PKDCC: variants seen among roughly 807,000 people sequenced by gnomAD.
PKDCC encodes the protein protein kinase domain containing, cytoplasmic.
A neutral mutation model predicts 44.7 loss-of-function variants in PKDCC; 35 were observed. That is an observed-to-expected ratio of 0.78 (90% confidence interval 0.60 to 1.04). The LOEUF (loss-of-function observed/expected upper bound fraction) is 1.04. Among genes scored for constraint, PKDCC ranks in the 50% least tolerant of loss-of-function variants. The pLI, the probability that PKDCC is intolerant of heterozygous loss-of-function variation, is 0.00. For missense variants in PKDCC, 738 were observed against 672.7 expected (o/e 1.10, Z -1.07); for synonymous variants, 353 against 303.3 (o/e 1.16, Z -1.70).
chr2:42,050,939 G>A (rs1241958171), intron 1 of PKDCC, among the ~76,000 whole-genome samples: 1 of 152,176 alleles, frequency 6.6e-6, no homozygotes, highest in Admixed American at 6.5e-5. Context: ...GGAGGCTTCA[G>A]GGCAGGTGTA....
At position 42,048,163 on chromosome 2, in the gene PKDCC, AGCCGCGCGGGGCCGGCCGGCCGGGGG is replaced by A. The variant is rs768547811; in HGVS notation, c.-35_-10del. 6.6e-5 allele frequency: 62 copies of A among 933,084 alleles called. No individual in the cohort carries two copies. In the South Asian group the frequency reaches 2.8e-3, roughly 43 times the overall value. The allele number at this position is 933,084 out of a possible 1,614,324, so 57.8% of individuals were successfully genotyped here. A position where few individuals can be genotyped will look rare whatever the true frequency, so the allele number is the denominator to read the frequency against. Reference sequence around the variant, plus strand: ...GAGCCGCCCGGGGCCGGGGCCGGGGAGCCGCGCGGGGCCGGCCGGCCGGGGGGAGGGGAGCGATGCGGCGCCGGCGG... The same window carrying A: ...GAGCCGCCCGGGGCCGGGGCCGGGGAGAGGGGAGCGATGCGGCGCCGGCGG... On this transcript the variant is annotated 5_prime_UTR_variant, in exon 1 of 7. Transcript: ENST00000294964. This position sits in a 1 kb window ranked among gnomAD's most constrained non-coding sequence, Gnocchi z 6.2.
Position 42,054,302 on chromosome 2 carries a change from C to A in PKDCC, c.1029C>A (p.Ala343=). 6.3e-7 allele frequency: 1 copy of A among 1,598,584 alleles called. No individual in the cohort carries two copies. Among genetic ancestry groups the A allele is most frequent in the Non-Finnish European group, 8.5e-7 (1 of 1,171,238 alleles). ...GMNEKRNLYN[A]YRFFFTYLLP... ...ACGAGAAGCGGAACCTCTATAATGC[C>A]TACAGGTGACCTCCACCCCTGACTC... is the stretch of plus-strand genomic sequence containing the variant. Residue 343 remains alanine (A), a synonymous_variant, in exon 3 of 7, where the codon GCC becomes GCA. Transcript: ENST00000294964. The surrounding 1 kb of genome is among the most constrained non-coding windows in gnomAD (Gnocchi z 6.1).
chr2:42,051,058 C>T lies in PKDCC; in HGVS notation c.640-2181C>T, dbSNP rs1667958151. On this transcript the variant is annotated intron_variant, in intron 1 of 6. Coordinates refer to ENST00000294964, the MANE Select transcript of PKDCC (RefSeq NM_138370.3). The surrounding 1 kb of genome is among the most constrained non-coding windows in gnomAD (Gnocchi z 4.2). ...GGAGTTAGAGAACATTTCTAGAGTT[C>T]CTAGTGGTGCAGGCTCACCACCCTC... Among the ~76,000 whole-genome samples, 1 of 152,026 alleles carries T rather than the reference C, an allele frequency of 6.6e-6. No individual in the cohort carries two copies. Among genetic ancestry groups the T allele is most frequent in the Non-Finnish European group, 1.5e-5 (1 of 67,986 alleles).
intron 5 of PKDCC, among the ~76,000 whole-genome samples, chr2:42,056,610 T>G (rs1287647264): frequency 1.3e-5 from 2 of 151,950 alleles, no homozygotes; most frequent in Non-Finnish European, 2.9e-5. Context: ...AATCAGAATC[T>G]TCATTTGGTT....
rs1321917013 is a variant in PKDCC at position 42,057,684 on chromosome 2, G to A, written c.1478G>A (p.Gly493Asp). 6.2e-7 allele frequency: 1 copy of A among 1,613,634 alleles called. No homozygotes were observed. Among genetic ancestry groups the A allele is most frequent in the African/African-American group, 1.3e-5 (1 of 75,046 alleles). ...PNKTTYVKAS[G>D] is the part of the protein sequence containing the mutation. ...AAGACCACATATGTGAAGGCCTCTG[G>A]CTGACCTATCTGAGGGCTCGGCTGA... The change falls in exon 7 of 7, where the codon GGC (glycine) becomes GAC (aspartate). Residue 493 changes from glycine to aspartate, a missense_variant. Transcript: ENST00000294964.
intron 5 of PKDCC, among the ~76,000 whole-genome samples, chr2:42,056,311 T>C (rs1463378590): frequency 6.6e-6 from 1 of 152,092 alleles, no homozygotes; most frequent in Non-Finnish European, 1.5e-5. Context: ...AGCTCACTGA[T>C]TGTGAGTTTT....
chr2:42,050,502 A>G (rs1667946731), intron 1 of PKDCC, among the ~76,000 whole-genome samples: 1 of 152,104 alleles, frequency 6.6e-6, no homozygotes, highest in Non-Finnish European at 1.5e-5. Context: ...CGCCAGCTCA[A>G]ACTTCCTGAC....
At position 42,054,948 on chromosome 2, in the gene PKDCC, T is replaced by C. The variant is rs138740911; in HGVS notation, c.1042T>C (p.Phe348Leu). Residue 348 changes from phenylalanine (F) to leucine (L), a missense_variant, in exon 4 of 7, where the codon TTC becomes CTC. Physicochemically the swap from Phe to Leu is conservative, Grantham distance 22. Transcript: ENST00000294964. This position sits in a 1 kb window ranked among gnomAD's most constrained non-coding sequence, Gnocchi z 6.1. ...GGTTTCCCTCTGCCACAGGTTTTTCTTCACATACCTCCTGCCTCACAGTGC... is the reference window on the plus strand; with the variant it reads ...GGTTTCCCTCTGCCACAGGTTTTTCCTCACATACCTCCTGCCTCACAGTGC... ...RNLYNAYRFF[F>L]TYLLPHSAPP... 6.2e-6 allele frequency: 10 copies of C among 1,613,756 alleles called. No individual in the cohort carries two copies. In the African/African-American group the frequency reaches 1.2e-4, roughly 19 times the overall value.
chr2:42,053,479 A>T (rs921014981), intron 2 of PKDCC, 118 bp downstream of exon 2: 3 of 1,377,692 alleles, frequency 2.2e-6, no homozygotes, highest in Non-Finnish European at 2.9e-6. Flanking sequence ...GAGGGGAGGA[A>T]GGCGCACAGG....
rs189011243 is a variant in PKDCC, at chr2:42,057,163, T to C, written c.1223-58T>C. 3.3e-5 allele frequency: 52 copies of C among 1,579,938 alleles called. No individual in the cohort carries two copies. In the Admixed American group the frequency reaches 5.5e-4, roughly 17 times the overall value. ...GCCCTTTCCAGAAAGTGACACATCC[T>C]TGGGCACTCAAACCTGGGCATACAG... is the stretch of plus-strand genomic sequence containing the variant. On this transcript the variant is annotated intron_variant, in intron 5 of 6. Transcript: ENST00000294964.
chr2:42,053,931 A>G (rs1668009897), intron 2 of PKDCC, 105 bp from the exon 3 acceptor site: 2 of 1,434,280 alleles, frequency 1.4e-6, no homozygotes, highest in Admixed American at 2.0e-5. Flanking sequence ...AGAAGTGCCA[A>G]CCCCCACAAG....
Position 42,048,719 on chromosome 2 carries a change from G to T in PKDCC, c.520G>T (p.Asp174Tyr). ...ALKAVDFSGH[D>Y]LGSCVREFGV... ...CAAGGCGGTGGACTTTAGCGGCCAC[G>T]ATCTGGGCAGCTGCGTGCGCGAGTT... Residue 174 changes from aspartate to tyrosine, a missense_variant, in exon 1 of 7, where the codon GAT becomes TAT. Transcript: ENST00000294964. The surrounding 1 kb of genome is among the most constrained non-coding windows in gnomAD (Gnocchi z 6.2). 1 of 1,563,170 alleles carries T rather than the reference G, an allele frequency of 6.4e-7. No homozygotes were observed. Among genetic ancestry groups the T allele is most frequent in the Non-Finnish European group, 8.7e-7 (1 of 1,155,132 alleles).
chr2:42,050,270 A>G (rs1007764553), intron 1 of PKDCC, among the ~76,000 whole-genome samples: 1 of 152,172 alleles, frequency 6.6e-6, no homozygotes, highest in African/African-American at 2.4e-5. Flanking sequence ...TTACGTGGCC[A>G]TTCTAACTGG....
chr2:42,057,574 C>T, intron 6 of PKDCC, 29 bp from the exon 7 acceptor site: 3 of 1,607,316 alleles, frequency 1.9e-6, no homozygotes, highest in Non-Finnish European at 2.6e-6. Context: ...AAACATCCAG[C>T]CCTGTTACCT....
chr2:42,057,091 G>C (rs938302461), intron 5 of PKDCC, 130 bp from the exon 6 acceptor site: 2 of 1,027,052 alleles, frequency 1.9e-6, no homozygotes, highest in South Asian at 3.0e-5. Context: ...CTGCGTGCTA[G>C]AGGGCTGGGC....
At chr2:42,053,110 C>A in intron 1 of PKDCC, 129 bp from the exon 2 acceptor site, 1 of 1,090,252 alleles carries the variant, frequency 9.2e-7, no homozygotes, top group Non-Finnish European at 1.3e-6. Context: ...CTGCCATTCT[C>A]TTCTGGCCTG....
chr2:42,055,172 C>T lies in PKDCC; in HGVS notation c.1115-114C>T. The T allele has an allele frequency of 3.1e-6, 4 of 1,280,878 alleles. No homozygotes were observed. In the South Asian group the frequency reaches 5.3e-5, roughly 17 times the overall value. 79.3% of individuals were successfully genotyped at this position (1,280,878 alleles called of 1,614,324 possible). A position where few individuals can be genotyped will look rare whatever the true frequency, so the allele number is the denominator to read the frequency against. On this transcript the variant is annotated intron_variant, in intron 4 of 6. Transcript: ENST00000294964. This position sits in a 1 kb window ranked among gnomAD's most constrained non-coding sequence, Gnocchi z 4.5. ...TGCCGCAACCTCCCCGCTCCCCCGC[C>T]CTCTGTTCACTGGGGCACAGGCTCT...
At position 42,052,762 on chromosome 2, in the gene PKDCC, AG is replaced by A. The variant is rs1483816631; in HGVS notation, c.640-476del. ...CTCAAAAAAAAAAAAAGAAAAGAAA[AG>A]AAAAATAAATAAAAATAGGTTGTGG... On this transcript the variant is annotated intron_variant, in intron 1 of 6. Transcript: ENST00000294964. This position sits in a 1 kb window ranked among gnomAD's most constrained non-coding sequence, Gnocchi z 4.3. Among the ~76,000 whole-genome samples the A allele has an allele frequency of 6.6e-6, 1 of 151,760 alleles. No individual in the cohort carries two copies. Among genetic ancestry groups the A allele is most frequent in the Non-Finnish European group, 1.5e-5 (1 of 67,954 alleles).
In PKDCC at chr2:42,054,193, C is replaced by T. The variant is rs1668015791; in HGVS notation, c.920C>T (p.Ala307Val). 6.2e-7 allele frequency: 1 copy of T among 1,607,782 alleles called. No homozygotes were observed. Among genetic ancestry groups the T allele is most frequent in the Non-Finnish European group, 8.5e-7 (1 of 1,176,992 alleles). Residue 307 changes from alanine (A) to valine (V), a missense_variant, in exon 3 of 7, where the codon GCA becomes GTA. Coordinates refer to ENST00000294964, the MANE Select transcript of PKDCC (RefSeq NM_138370.3). The surrounding 1 kb of genome is among the most constrained non-coding windows in gnomAD (Gnocchi z 6.1). ...DDARVEETPC[A>V]GSTDCILEFP... ...GCACGTGTGGAGGAGACGCCGTGTG[C>T]AGGCAGCACCGACTGCATACTCGAG...
Sources: allele counts gnomAD v4.1 joint callset (sites outside exome capture counted in the v4.1 genomes callset), GRCh38; gene constraint gnomAD v4.1.1; non-coding constraint Gnocchi (gnomAD v3.1); transcripts MANE v1.5; gene names NCBI Gene and HGNC (gene_info 2026-07-23, HGNC 2026-07-21).